AK8: variants seen among roughly 807,000 people sequenced by gnomAD.
The protein encoded by AK8 is adenylate kinase 8.
Under a neutral mutation model 54.6 loss-of-function variants are expected in AK8, and 44 were observed. The ratio of observed to expected loss-of-function variants is 0.81; its 90% CI spans 0.63 to 1.04. AK8 has a LOEUF of 1.04. AK8 is among the 50% of genes least tolerant of loss of function. AK8 has a pLI of 0.00. For missense variants in AK8, 555 were observed against 613.6 expected, an observed-to-expected ratio of 0.90 and a Z score of 1.01; for synonymous variants, 239 against 245.6, an observed-to-expected ratio of 0.97 and a Z score of 0.25.
intron 11 of AK8, among the ~76,000 whole-genome samples, chr9:132,756,286 G>A (rs1838186336): frequency 6.6e-6 from 1 of 152,196 alleles, no homozygotes. Context: ...GTTCTAGAGA[G>A]AAAGCTTTGA....
chr9:132,727,694 T>C, intron 11 of AK8, 160 bp from the exon 12 acceptor site: 2 of 627,650 alleles, frequency 3.2e-6, no homozygotes, highest in South Asian at 1.9e-5. Flanking sequence ...GCCTTTCATG[T>C]ACAACCCAAC....
At chr9:132,820,820 C>T (rs543106556) in intron 9 of AK8, among the ~76,000 whole-genome samples, 3 of 152,290 alleles carry the variant, frequency 2.0e-5, no homozygotes, top group Admixed American at 6.5e-5. Context: ...ATGGCCGCAG[C>T]GGAGCAGACA....
intron 10 of AK8, among the ~76,000 whole-genome samples, chr9:132,813,220 A>G (rs539828505): frequency 1.3e-5 from 2 of 151,162 alleles, no homozygotes; most frequent in Non-Finnish European, 3.0e-5. Context: ...ACTGCCCTGC[A>G]CCTACACAGA....
chr9:132,734,398 G>C (rs894469130), intron 11 of AK8, among the ~76,000 whole-genome samples: 11 of 152,112 alleles, frequency 7.2e-5, no homozygotes, highest in African/African-American at 2.4e-4. Context: ...CACTCCCGGA[G>C]ATTCTGGTAT....
At chr9:132,808,125 C>T (rs932169932) in intron 10 of AK8, among the ~76,000 whole-genome samples, 4 of 152,126 alleles carry the variant, frequency 2.6e-5, no homozygotes, top group Non-Finnish European at 5.9e-5. Flanking sequence ...AGCCCAGAAT[C>T]GTTTTTACTT....
chr9:132,813,215 C>A (rs1405623627), intron 10 of AK8, among the ~76,000 whole-genome samples: 1 of 152,020 alleles, frequency 6.6e-6, no homozygotes, highest in Non-Finnish European at 1.5e-5. Flanking sequence ...CGCTCACTGC[C>A]CTGCACCTAC....
At chr9:132,848,139 AAAAAG>A (rs1261770302) in intron 5 of AK8, among the ~76,000 whole-genome samples, 9 of 92,314 alleles carry the variant, frequency 9.7e-5, no homozygotes, top group South Asian at 6.9e-4. Flanking sequence ...AAAAAAAAAA[AAAAAG>A]ATTGAAGAGA....
rs61495439 is a variant in AK8 at position 132,765,292 on chromosome 9, CAAAA to C, written c.1121+27338_1121+27341del. 2.3e-3 allele frequency among the ~76,000 whole-genome samples: 147 copies of C among 62,800 alleles called. 2 individuals carry two copies. Among genetic ancestry groups the C allele is most frequent in the African/African-American group, 7.9e-3 (118 of 15,014 alleles). 41.2% of individuals were successfully genotyped at this position (62,800 alleles called of 152,430 possible). A position where few individuals can be genotyped will look rare whatever the true frequency, so the allele number is the denominator to read the frequency against. ...TGGGCAACAGAGCGAGACTCCATTT[CAAAA>C]AAAAAAAAAAAAAAAAAAGAGAATT... On this transcript the variant is annotated intron_variant, in intron 11 of 12. Transcript: ENST00000298545.
intron 10 of AK8, among the ~76,000 whole-genome samples, chr9:132,807,383 G>A (rs943494255): frequency 6.6e-6 from 1 of 152,226 alleles, no homozygotes; most frequent in Non-Finnish European, 1.5e-5. Context: ...AGCATGTTCC[G>A]AGTGCGCTGT....
In AK8 at chr9:132,873,261, A is replaced by T. The variant is rs1385954641; in HGVS notation, c.169+1854T>A. Among the ~76,000 whole-genome samples the T allele has an allele frequency of 5.9e-5, 9 of 152,340 alleles. No homozygotes were observed. The East Asian group carries it at 1.7e-3, about 29-fold the overall frequency. On this transcript the variant is annotated intron_variant, in intron 2 of 12. Transcript: ENST00000298545. ...AGCTGCTACCCATGATGCATCAGGG[A>T]TTTCCCATTCCTTCAGCCACTACTG...
At chr9:132,802,596 C>A (rs1840514544) in intron 10 of AK8, among the ~76,000 whole-genome samples, 1 of 152,174 alleles carries the variant, frequency 6.6e-6, no homozygotes, top group African/African-American at 2.4e-5. Context: ...CCAGCCCCAG[C>A]CATTCCAAGC....
chr9:132,786,239 A>G (rs75435482), intron 11 of AK8, among the ~76,000 whole-genome samples: 3,732 of 152,306 alleles, frequency 0.025, 149 homozygotes, highest in African/African-American at 0.085. Context: ...AGTGAGTCCT[A>G]GATCCCTTCC....
chr9:132,773,013 G>A (rs779840402), intron 11 of AK8, among the ~76,000 whole-genome samples: 9 of 152,038 alleles, frequency 5.9e-5, no homozygotes, highest in Admixed American at 4.6e-4. Flanking sequence ...CAACATCAGC[G>A]GGATCCCATC....
In AK8 at chr9:132,781,199, G is replaced by T. The variant is rs1008922444; in HGVS notation, c.1121+11435C>A. ...TCTTTTTTTTTACTATTATTATTAC[G>T]TTTTAACAAACTTTATAGCCCATTT... On this transcript the variant is annotated intron_variant, in intron 11 of 12. Coordinates refer to ENST00000298545, the MANE Select transcript of AK8 (RefSeq NM_152572.3). This position sits in a 1 kb window ranked among gnomAD's most constrained non-coding sequence, Gnocchi z 4.6. Among the ~76,000 whole-genome samples the T allele has an allele frequency of 6.6e-6, 1 of 151,466 alleles. No individual in the cohort carries two copies. The highest frequency in any genetic ancestry group is 1.5e-5 in the Non-Finnish European group (1 of 67,916).
intron 5 of AK8, among the ~76,000 whole-genome samples, chr9:132,842,208 G>T (rs994715251): frequency 5.9e-5 from 9 of 152,288 alleles, no homozygotes; most frequent in African/African-American, 2.2e-4. Flanking sequence ...AGGGCTGCTG[G>T]ATTTTAAACA....
rs563054501 is a variant in AK8 at position 132,787,187 on chromosome 9, T to G, written c.1121+5447A>C. Among the ~76,000 whole-genome samples the G allele has an allele frequency of 1.5e-4, 23 of 152,200 alleles. 1 individual carries two copies. The South Asian group carries it at 4.8e-3, about 32-fold the overall frequency. On this transcript the variant is annotated intron_variant, in intron 11 of 12. Coordinates refer to ENST00000298545, the MANE Select transcript of AK8 (RefSeq NM_152572.3). ...ATCCAATACCCAAATAACAGCAGTT[T>G]CAGAGAGAATAGAAAAAAGGGGAAA...
chr9:132,788,973 ATAT>A (rs1382739460), intron 11 of AK8, among the ~76,000 whole-genome samples: 15 of 152,344 alleles, frequency 9.8e-5, no homozygotes, highest in Admixed American at 7.8e-4. Flanking sequence ...TGCCAATATC[ATAT>A]TATGACAAAC....
intron 1 of AK8, chr9:132,877,643 G>A: frequency 3.0e-6 from 1 of 331,634 alleles, no homozygotes; most frequent in South Asian, 2.3e-5. Context: ...AGCTGCCGGG[G>A]ACGTCTGGCC....
At chr9:132,846,211 T>C (rs1842742790) in intron 5 of AK8, among the ~76,000 whole-genome samples, 1 of 152,216 alleles carries the variant, frequency 6.6e-6, no homozygotes, top group Non-Finnish European at 1.5e-5. Context: ...GGAGAGAGAC[T>C]TTGAGGGTTG....
Sources: allele counts gnomAD v4.1 joint callset (sites outside exome capture counted in the v4.1 genomes callset), GRCh38; gene constraint gnomAD v4.1.1; non-coding constraint Gnocchi (gnomAD v3.1); transcripts MANE v1.5; gene names NCBI Gene and HGNC (gene_info 2026-07-23, HGNC 2026-07-21).